ANKRD33: variants seen among roughly 807,000 people sequenced by gnomAD.
ANKRD33 encodes ankyrin repeat domain 33, also known as photoreceptor ankyrin repeat protein.
In ANKRD33, 20 loss-of-function variants were observed where a neutral mutation model predicts 20.6. The observed-to-expected ratio is 0.97, with a 90% CI of 0.68 to 1.41. The LOEUF (loss-of-function observed/expected upper bound fraction) is 1.41, where lower values mean the gene tolerates loss of function less well. ANKRD33 is among the 40% of genes most tolerant of loss of function. The pLI is 0.00. For missense variants in ANKRD33, 545 were observed against 579.6 expected (o/e 0.94, Z 0.61); for synonymous variants, 246 against 245.0 (o/e 1.00, Z -0.04).
chr12:51,889,283 A>G (rs1940328835), intron 3 of ANKRD33, 87 bp downstream of exon 3: 1 of 1,608,862 alleles, frequency 6.2e-7, no homozygotes, highest in South Asian at 1.1e-5. Context: ...GGTGTTCTAC[A>G]CCAGACTCTG....
rs763364276 is a variant in ANKRD33, at chr12:51,888,601, T to A, written c.179T>A (p.Leu60Gln). 3.2e-6 allele frequency: 5 copies of A among 1,566,820 alleles called. No individual in the cohort carries two copies. The highest frequency in any genetic ancestry group is 2.7e-5 in the African/African-American group (2 of 73,110). The change falls in exon 2 of 5, where the codon CTG becomes CAG. Residue 60 changes from leucine (L) to glutamine (Q), a missense_variant. By Grantham distance (113) the Leu-to-Gln change is moderately radical. Coordinates refer to ENST00000301190, the MANE Select transcript of ANKRD33 (RefSeq NM_182608.4). The part of the protein sequence containing the change: ...ASCMRKGTHL[L>Q]VPCLEEEELA... ...TGCATGAGAAAAGGGACTCACCTTCTGGTTCCCTGCCTGGAAGAGGAAGAG... is the reference window on the plus strand; with the variant it reads ...TGCATGAGAAAAGGGACTCACCTTCAGGTTCCCTGCCTGGAAGAGGAAGAG...
chr12:51,889,857 A>C (rs576803574), intron 4 of ANKRD33: 97 of 279,170 alleles, frequency 3.5e-4, no homozygotes, highest in African/African-American at 2.1e-3. Context: ...CAGTATTGTG[A>C]GGGTGTTAGC....
Position 51,891,537 on chromosome 12 carries a change from C to T in ANKRD33, c.*232C>T. 1 of 670,512 alleles carries T rather than the reference C, an allele frequency of 1.5e-6. No individual in the cohort carries two copies. The highest frequency in any genetic ancestry group is 2.5e-6 in the Non-Finnish European group (1 of 407,374). The allele number at this position is 670,512 out of a possible 1,614,324, so 41.5% of individuals were successfully genotyped here. On this transcript the variant is annotated 3_prime_UTR_variant, in exon 5 of 5. Coordinates refer to ENST00000301190, the MANE Select transcript of ANKRD33 (RefSeq NM_182608.4). Reference sequence around the variant, plus strand: ...GCTAGATTGATTACGGATGTAATTGCTGTCCATCCATACAGAGCATACTCT... The same window carrying T: ...GCTAGATTGATTACGGATGTAATTGTTGTCCATCCATACAGAGCATACTCT...
chr12:51,890,360 C>A, intron 4 of ANKRD33: 1 of 1,163,622 alleles, frequency 8.6e-7, no homozygotes, highest in Non-Finnish European at 1.2e-6. Context: ...AGGTGGAGCC[C>A]CACAATAGGT....
At position 51,891,442 on chromosome 12, in the gene ANKRD33, C is replaced by A. The variant is rs1314154125; in HGVS notation, c.*137C>A. The A allele has an allele frequency of 2.2e-6, 3 of 1,347,362 alleles. No individual in the cohort carries two copies. 83.5% of individuals were successfully genotyped at this position (1,347,362 alleles called of 1,614,324 possible). On this transcript the variant is annotated 3_prime_UTR_variant, in exon 5 of 5. Transcript: ENST00000301190. ...CTCTCAACCTATATATATACAAGGT[C>A]ATTCATTCTAGCATTGTTTGCAAGA...
intron 4 of ANKRD33, 121 bp downstream of exon 4, chr12:51,889,603 A>T: frequency 6.8e-7 from 1 of 1,463,496 alleles, no homozygotes. Context: ...TATTTGCAGA[A>T]AGGAGAGAGG....
In ANKRD33 at chr12:51,888,117, C is replaced by T; in HGVS notation, c.-70C>T. Reference sequence around the variant, plus strand: ...AGTCCGCTCCTGAGACGTGACCACCCGCCCCGCATGGGGCCCCAGTCCCAG... The same window carrying T: ...AGTCCGCTCCTGAGACGTGACCACCTGCCCCGCATGGGGCCCCAGTCCCAG... On this transcript the variant is annotated 5_prime_UTR_variant, in exon 1 of 5. Coordinates refer to ENST00000301190, the MANE Select transcript of ANKRD33 (RefSeq NM_182608.4). The T allele has an allele frequency of 1.9e-6, 3 of 1,568,012 alleles. No homozygotes were observed. Among genetic ancestry groups the T allele is most frequent in the Non-Finnish European group, 2.6e-6 (3 of 1,150,308 alleles).
At position 51,889,484 on chromosome 12, in the gene ANKRD33, T is replaced by C; in HGVS notation, c.637+2T>C. On this transcript the variant is annotated splice_donor_variant, in intron 4 of 4. Coordinates refer to ENST00000301190, the MANE Select transcript of ANKRD33 (RefSeq NM_182608.4). LOFTEE classifies it high-confidence loss of function. ...TGAAGGCTGCCATGCGGAACCGCTG[T>C]GAGTGCGTGGCCACCCTCCTCATGG... 6.2e-7 allele frequency: 1 copy of C among 1,613,554 alleles called. No homozygotes were observed. Among genetic ancestry groups the C allele is most frequent in the Non-Finnish European group, 8.5e-7 (1 of 1,179,794 alleles).
chr12:51,890,471 G>A, intron 4 of ANKRD33, 113 bp from the exon 5 acceptor site: 1 of 1,535,738 alleles, frequency 6.5e-7, no homozygotes, highest in Non-Finnish European at 8.7e-7. Flanking sequence ...CAACAGGATG[G>A]GACTCTATGG....
chr12:51,889,687 A>C, intron 4 of ANKRD33: 1 of 945,932 alleles, frequency 1.1e-6, no homozygotes, highest in Non-Finnish European at 1.5e-6. Flanking sequence ...ACAATCAACC[A>C]AGTCCTGCTA....
At chr12:51,890,212 A>C in intron 4 of ANKRD33, 1 of 399,386 alleles carries the variant, frequency 2.5e-6, no homozygotes, top group African/African-American at 2.0e-5. Flanking sequence ...TGAGAAGAGA[A>C]GAACCAGGAG....
chr12:51,890,753 C>T lies in ANKRD33; in HGVS notation c.807C>T (p.Leu269=), dbSNP rs570584040. 155 of 1,604,774 alleles carry T rather than the reference C, an allele frequency of 9.7e-5. 1 individual carries two copies. The highest frequency in any genetic ancestry group is 6.6e-4 in the Middle Eastern group (4 of 6,060). Residue 269 remains leucine (L), a synonymous_variant, in exon 5 of 5, where the codon CTC becomes CTT. Coordinates refer to ENST00000301190, the MANE Select transcript of ANKRD33 (RefSeq NM_182608.4). ...CCGAGTGGCCGGCCTTGTCCGGGCTCGTGGCCCAGGCCCAGGCCCAGGCCC... is the reference window on the plus strand; with the variant it reads ...CCGAGTGGCCGGCCTTGTCCGGGCTTGTGGCCCAGGCCCAGGCCCAGGCCC... The part of the protein sequence containing the change: ...YKPEWPALSG[L]VAQAQAQAQV...
chr12:51,889,494 G>A lies in ANKRD33; in HGVS notation c.637+12G>A. The A allele has an allele frequency of 6.2e-7, 1 of 1,613,194 alleles. No homozygotes were observed. Among genetic ancestry groups the A allele is most frequent in the Non-Finnish European group, 8.5e-7 (1 of 1,179,652 alleles). On this transcript the variant is annotated intron_variant, in intron 4 of 4. Transcript: ENST00000301190. ...CATGCGGAACCGCTGTGAGTGCGTG[G>A]CCACCCTCCTCATGGCAGGTGTGCG...
At position 51,888,109 on chromosome 12, in the gene ANKRD33, T is replaced by C. The variant is rs1395147199; in HGVS notation, c.-78T>C. ...CTGGTCTGAGTCCGCTCCTGAGACG[T>C]GACCACCCGCCCCGCATGGGGCCCC... On this transcript the variant is annotated 5_prime_UTR_variant, in exon 1 of 5. Coordinates refer to ENST00000301190, the MANE Select transcript of ANKRD33 (RefSeq NM_182608.4). 1 of 1,545,518 alleles carries C rather than the reference T, an allele frequency of 6.5e-7. No homozygotes were observed. The highest frequency in any genetic ancestry group is 1.9e-5 in the Admixed American group (1 of 53,752).
At chr12:51,888,954 G>A (rs762617411) in intron 2 of ANKRD33, 113 bp from the exon 3 acceptor site, 126 of 1,582,028 alleles carry the variant, frequency 8.0e-5, no homozygotes, top group Non-Finnish European at 8.8e-5. Flanking sequence ...GGTTAAGGGC[G>A]GGTCTTCACG....
chr12:51,890,188 G>A (rs555093839), intron 4 of ANKRD33: 2 of 373,940 alleles, frequency 5.3e-6, no homozygotes, highest in Non-Finnish European at 1.0e-5. Flanking sequence ...CCCCAAGATG[G>A]GAGAGGGAGA....
Position 51,891,469 on chromosome 12 carries a change from T to C in ANKRD33, c.*164T>C. The C allele has an allele frequency of 7.9e-7, 1 of 1,259,808 alleles. No homozygotes were observed. The highest frequency in any genetic ancestry group is 1.1e-6 in the Non-Finnish European group (1 of 940,706). 78.0% of individuals were successfully genotyped at this position (1,259,808 alleles called of 1,614,324 possible). A position where few individuals can be genotyped will look rare whatever the true frequency, so the allele number is the denominator to read the frequency against. ...TTCATTCTAGCATTGTTTGCAAGAGTGAAAGAGTGGAAACACCCGAAGTGT... is the reference window on the plus strand; with the variant it reads ...TTCATTCTAGCATTGTTTGCAAGAGCGAAAGAGTGGAAACACCCGAAGTGT... On this transcript the variant is annotated 3_prime_UTR_variant, in exon 5 of 5. Transcript: ENST00000301190.
rs529750100 is a variant in ANKRD33, at chr12:51,889,009, A to G, written c.397-58A>G. 4 of 1,610,938 alleles carry G rather than the reference A, an allele frequency of 2.5e-6. No individual in the cohort carries two copies. The South Asian group carries it at 4.4e-5, about 18-fold the overall frequency. ...GGACAGATATGGGTTTAGAGGGTGC[A>G]AGGGGCCCTGGAGTGGCCCAGGGGG... On this transcript the variant is annotated intron_variant, in intron 2 of 4. Coordinates refer to ENST00000301190, the MANE Select transcript of ANKRD33 (RefSeq NM_182608.4).
At chr12:51,890,555 C>T in intron 4 of ANKRD33, 29 bp from the exon 5 acceptor site, 2 of 1,598,954 alleles carry the variant, frequency 1.3e-6, no homozygotes, top group Non-Finnish European at 1.7e-6. Flanking sequence ...CCTATCCCGC[C>T]CCATGTCACC....
Sources: allele counts gnomAD v4.1 joint callset, GRCh38; gene constraint gnomAD v4.1.1; transcripts MANE v1.5; gene names NCBI Gene and HGNC (gene_info 2026-07-23, HGNC 2026-07-21).